Variants in EXOC4 observed in about 807,000 individuals in gnomAD.
EXOC4 encodes the protein SEC8-like 1.
EXOC4 carries 71 observed loss-of-function variants against 107.2 expected under a neutral mutation model. The ratio of observed to expected loss-of-function variants is 0.66; its 90% CI spans 0.55 to 0.81. EXOC4 has a LOEUF of 0.81. Among genes scored for constraint, EXOC4 ranks in the 30% least tolerant of loss-of-function variants. The probability of loss-of-function intolerance (pLI) is 0.00; values close to 1 mark genes in which losing one functional copy is unlikely to be tolerated. For synonymous variants in EXOC4, 456 were observed against 441.2 expected (o/e 1.03, Z -0.42); for missense variants, 1,108 against 1,189.6 (o/e 0.93, Z 1.01).
chr7:133,748,267 AT>A (rs1213329288), intron 10 of EXOC4, among the ~76,000 whole-genome samples: 1 of 151,970 alleles, frequency 6.6e-6, no homozygotes. Flanking sequence ...GAACCTGAGG[AT>A]TTTTTTTCAA....
chr7:133,519,548 G>A (rs1036835626), intron 9 of EXOC4, among the ~76,000 whole-genome samples: 1 of 151,992 alleles, frequency 6.6e-6, no homozygotes, highest in Non-Finnish European at 1.5e-5. Context: ...TAAATAAAAT[G>A]CATAAAAACA....
chr7:133,567,296 A>G (rs1179677003), intron 9 of EXOC4, among the ~76,000 whole-genome samples: 1 of 152,048 alleles, frequency 6.6e-6, no homozygotes, highest in East Asian at 1.9e-4. Flanking sequence ...CACAGATGGT[A>G]ACATTATGAA....
intron 10 of EXOC4, among the ~76,000 whole-genome samples, chr7:133,805,576 A>G (rs1005193259): frequency 2.6e-5 from 4 of 152,186 alleles, no homozygotes; most frequent in Admixed American, 2.0e-4. Flanking sequence ...GTGTGGTGAC[A>G]TAGTAAAAGG....
intron 10 of EXOC4, among the ~76,000 whole-genome samples, chr7:133,773,576 C>T (rs1011294458): frequency 1.3e-5 from 2 of 151,722 alleles, no homozygotes; most frequent in African/African-American, 4.8e-5. Context: ...TCATACCATA[C>T]CCAAAATATG....
chr7:133,603,410 C>T (rs1801854668), intron 9 of EXOC4, among the ~76,000 whole-genome samples: 1 of 152,162 alleles, frequency 6.6e-6, no homozygotes, highest in African/African-American at 2.4e-5. Flanking sequence ...TTGAGAAATG[C>T]ATCATTAGGT....
intron 17 of EXOC4, among the ~76,000 whole-genome samples, chr7:134,042,856 G>A (rs1795551602): frequency 6.6e-6 from 1 of 152,188 alleles, no homozygotes; most frequent in African/African-American, 2.4e-5. Flanking sequence ...GGCCAACATG[G>A]CAAAACCCCG....
At position 133,994,645 on chromosome 7, in the gene EXOC4, G is replaced by C. The variant is rs371702934; in HGVS notation, c.2207-2847G>C. 2.6e-5 allele frequency among the ~76,000 whole-genome samples: 4 copies of C among 152,094 alleles called. No individual in the cohort carries two copies. In the East Asian group the frequency reaches 7.7e-4, roughly 29 times the overall value. ...CTCAAAGTGCATGTCTTCATAAAGC[G>C]ATCAAGCACTTACATATTTAAAGCC... On this transcript the variant is annotated intron_variant, in intron 14 of 17. Transcript: ENST00000253861.
At chr7:133,777,660 A>G (rs1324321260) in intron 10 of EXOC4, among the ~76,000 whole-genome samples, 2 of 152,190 alleles carry the variant, frequency 1.3e-5, no homozygotes, top group African/African-American at 2.4e-5. Flanking sequence ...GGGAATGCAG[A>G]CTATCTGGGT....
chr7:133,912,821 C>T (rs905975645), intron 12 of EXOC4, among the ~76,000 whole-genome samples: 1 of 152,168 alleles, frequency 6.6e-6, no homozygotes. Flanking sequence ...CCCTTGAGTG[C>T]ACATTTAAAT....
At chr7:133,384,160 A>G (rs1163053278) in intron 7 of EXOC4, among the ~76,000 whole-genome samples, 1 of 152,150 alleles carries the variant, frequency 6.6e-6, no homozygotes, top group Non-Finnish European at 1.5e-5. Context: ...TCTAATGCAT[A>G]GTGAAGTGTG....
intron 17 of EXOC4, among the ~76,000 whole-genome samples, chr7:134,014,664 G>T (rs566576237): frequency 6.6e-6 from 1 of 152,034 alleles, no homozygotes; most frequent in African/African-American, 2.4e-5. Context: ...GTCTTTGGGG[G>T]GTGATGAAAA....
chr7:133,559,965 A>G (rs1459113492), intron 9 of EXOC4, among the ~76,000 whole-genome samples: 1 of 152,218 alleles, frequency 6.6e-6, no homozygotes, highest in Non-Finnish European at 1.5e-5. Context: ...CTTTAGAAAA[A>G]TTAGATAGCT....
At chr7:133,960,237 C>A (rs1800911694) in intron 14 of EXOC4, among the ~76,000 whole-genome samples, 1 of 152,120 alleles carries the variant, frequency 6.6e-6, no homozygotes, top group Admixed American at 6.5e-5. Context: ...GAGTTGAGTA[C>A]TTTAAACAAC....
At chr7:133,771,790 A>T (rs113801098) in intron 10 of EXOC4, among the ~76,000 whole-genome samples, 125 of 152,056 alleles carry the variant, frequency 8.2e-4, no homozygotes, top group African/African-American at 2.9e-3. Context: ...CTAAAATATG[A>T]GTTCCAAAGT....
At chr7:133,766,394 G>T (rs771178688) in intron 10 of EXOC4, among the ~76,000 whole-genome samples, 3 of 152,012 alleles carry the variant, frequency 2.0e-5, no homozygotes, top group African/African-American at 7.2e-5. Flanking sequence ...AAAGCAACTC[G>T]CTTTCTATTT....
intron 6 of EXOC4, among the ~76,000 whole-genome samples, chr7:133,367,543 G>C (rs1452674533): frequency 6.6e-6 from 1 of 152,170 alleles, no homozygotes. Context: ...AGGCAGTACA[G>C]ACAGTTCTGT....
chr7:133,705,812 A>G (rs1794756790), intron 10 of EXOC4, among the ~76,000 whole-genome samples: 1 of 152,234 alleles, frequency 6.6e-6, no homozygotes, highest in Non-Finnish European at 1.5e-5. Flanking sequence ...GTGGGACAGC[A>G]TGAGATGTCA....
At chr7:133,720,777 T>C (rs1308706643) in intron 10 of EXOC4, among the ~76,000 whole-genome samples, 1 of 152,180 alleles carries the variant, frequency 6.6e-6, no homozygotes, top group Non-Finnish European at 1.5e-5. Flanking sequence ...TTTGGAGATG[T>C]AGAAAATGAA....
chr7:133,788,911 C>T (rs555571648), intron 10 of EXOC4, among the ~76,000 whole-genome samples: 6 of 150,564 alleles, frequency 4.0e-5, no homozygotes, highest in Admixed American at 2.6e-4. Flanking sequence ...TCAGCTCGTT[C>T]ACCATATAAT....
Sources: allele counts gnomAD v4.1 joint callset (sites outside exome capture counted in the v4.1 genomes callset), GRCh38; gene constraint gnomAD v4.1.1; transcripts MANE v1.5; gene names NCBI Gene and HGNC (gene_info 2026-07-23, HGNC 2026-07-21).